C1QTNF5: variants seen among roughly 807,000 people sequenced by gnomAD.
C1QTNF5 encodes the protein complement C1q tumor necrosis factor-related protein 5.
Under a neutral mutation model 10.9 loss-of-function variants are expected in C1QTNF5, and 5 were observed. The ratio of observed to expected loss-of-function variants is 0.46; its 90% CI spans 0.24 to 0.97. C1QTNF5 has a LOEUF of 0.97. Ranked by LOEUF, C1QTNF5 falls within the 50% of genes least tolerant of loss-of-function variation. C1QTNF5 has a pLI of 0.19. For missense variants in C1QTNF5, 281 were observed against 339.4 expected, an observed-to-expected ratio of 0.83 and a Z score of 1.35; for synonymous variants, 161 against 156.5, an observed-to-expected ratio of 1.03 and a Z score of -0.22.
chr11:119,341,511 A>G (rs1445417092), upstream of C1QTNF5: 2 of 1,562,004 alleles, frequency 1.3e-6, no homozygotes, highest in Non-Finnish European at 1.8e-6. Context: ...CCGGCAAAAG[A>G]GGACGGGCAG....
chr11:119,341,653 C>A (rs138370910), upstream of C1QTNF5: 2 of 1,612,984 alleles, frequency 1.2e-6, no homozygotes. Context: ...ACTGGTGCTC[C>A]GCTTCCTGGC....
At chr11:119,346,179 G>A in the C1QTNF5 span, 1 of 1,574,812 alleles carries the variant, frequency 6.3e-7, no homozygotes, top group Non-Finnish European at 8.6e-7. Flanking sequence ...GGCAGGTGGG[G>A]TTTTGAAAGC....
upstream of C1QTNF5, chr11:119,341,248 A>T (rs575341818): frequency 1.5e-5 from 7 of 466,282 alleles, no homozygotes; most frequent in East Asian, 2.7e-4. Context: ...AAGGCAGGCG[A>T]TGGAGAAGCT....
upstream of C1QTNF5, chr11:119,343,883 C>T (rs563717527): frequency 2.9e-5 from 47 of 1,613,942 alleles, no homozygotes; most frequent in Middle Eastern, 1.6e-4. Flanking sequence ...AACTTGCACT[C>T]GTCCTGAGCC....
chr11:119,345,103 A>G, upstream of C1QTNF5: 2 of 1,479,128 alleles, frequency 1.4e-6, no homozygotes, highest in Non-Finnish European at 1.8e-6. Flanking sequence ...TCAACCCCCA[A>G]ACTGGTGACC....
the C1QTNF5 span, chr11:119,346,547 T>C: frequency 6.2e-7 from 1 of 1,611,026 alleles, no homozygotes; most frequent in Admixed American, 1.7e-5. Flanking sequence ...CTGGAGTCCC[T>C]GTGACAGCCC....
At chr11:119,344,802 C>T, upstream of C1QTNF5, 3 of 1,613,754 alleles carry the variant, frequency 1.9e-6, no homozygotes, top group East Asian at 2.2e-5. Context: ...AGTCTCCACC[C>T]CTTTGACAGG....
chr11:119,340,089 C>T, intron 2 of C1QTNF5, 95 bp downstream of exon 2: 1 of 1,394,848 alleles, frequency 7.2e-7, no homozygotes, highest in South Asian at 1.5e-5. Context: ...GTGGCGCCCC[C>T]TGGCGGGAGA....
At position 119,339,286 on chromosome 11, in the gene C1QTNF5, C is replaced by T. The variant is rs1271816637; in HGVS notation, c.*45G>A. 3.8e-6 allele frequency: 6 copies of T among 1,589,688 alleles called. No homozygotes were observed. Among genetic ancestry groups the T allele is most frequent in the Non-Finnish European group, 5.1e-6 (6 of 1,166,204 alleles). ...GGATGACCTGGTTGTCAGCCTCACACCCTCCTTCTAGGAGTGAGAGCATGA... is the reference window on the plus strand; with the variant it reads ...GGATGACCTGGTTGTCAGCCTCACATCCTCCTTCTAGGAGTGAGAGCATGA... On this transcript the variant is annotated 3_prime_UTR_variant, in exon 3 of 3. Coordinates refer to ENST00000528368, the MANE Select transcript of C1QTNF5 (RefSeq NM_001278431.2). This position sits in a 1 kb window ranked among gnomAD's most constrained non-coding sequence, Gnocchi z 5.4.
upstream of C1QTNF5, chr11:119,344,361 C>A (rs950627332): frequency 1.6e-5 from 26 of 1,613,800 alleles, no homozygotes; most frequent in Non-Finnish European, 2.2e-5. Context: ...AGAGAAAGTG[C>A]CCTGGAGGCC....
chr11:119,343,693 C>A, upstream of C1QTNF5: 1 of 1,248,868 alleles, frequency 8.0e-7, no homozygotes, highest in Non-Finnish European at 1.2e-6. Flanking sequence ...GTGAAGAGAC[C>A]CCCGGCCTGG....
chr11:119,344,746 G>T, upstream of C1QTNF5: 1 of 1,614,020 alleles, frequency 6.2e-7, no homozygotes. Flanking sequence ...AACTCATCAT[G>T]GGCACAGCTC....
the C1QTNF5 span, chr11:119,345,983 G>A: frequency 2.5e-6 from 4 of 1,613,322 alleles, no homozygotes; most frequent in South Asian, 4.4e-5. Flanking sequence ...CTGGGAGGCT[G>A]GGAGAGCGGC....
rs1424125035 is a variant in C1QTNF5, at chr11:119,339,141, C to G, written c.*190G>C. ...TTGGGCAGAAATCCAGCCACTGCCC[C>G]ATGCTGCCAGACCTGATCGCAGACA... is the stretch of plus-strand genomic sequence containing the variant. On this transcript the variant is annotated 3_prime_UTR_variant, in exon 3 of 3. Transcript: ENST00000528368. The surrounding 1 kb of genome is among the most constrained non-coding windows in gnomAD (Gnocchi z 5.4). 1 of 649,346 alleles carries G rather than the reference C, an allele frequency of 1.5e-6. No homozygotes were observed. Among genetic ancestry groups the G allele is most frequent in the East Asian group, 2.8e-5 (1 of 36,116 alleles). 40.2% of individuals were successfully genotyped at this position (649,346 alleles called of 1,614,324 possible).
chr11:119,345,571 A>G, upstream of C1QTNF5: 1 of 1,613,874 alleles, frequency 6.2e-7, no homozygotes, highest in Non-Finnish European at 8.5e-7. Context: ...TTGGGGGGGT[A>G]AGGGTCTGGG....
chr11:119,341,767 C>T (rs1231149376), upstream of C1QTNF5: 15 of 1,613,156 alleles, frequency 9.3e-6, no homozygotes, highest in African/African-American at 1.3e-5. Flanking sequence ...GCAGGCTTGT[C>T]AGGCTCTGCG....
chr11:119,343,859 C>T, upstream of C1QTNF5: 1 of 1,613,974 alleles, frequency 6.2e-7, no homozygotes, highest in East Asian at 2.2e-5. Flanking sequence ...GTCTCATACA[C>T]CTCCACGTAG....
upstream of C1QTNF5, chr11:119,343,152 CAT>C (rs1950520652): frequency 1.0e-5 from 10 of 987,746 alleles, no homozygotes; most frequent in South Asian, 1.5e-4. Flanking sequence ...GAGAAAGACA[CAT>C]ATATTCAACA....
At chr11:119,342,785 C>G, upstream of C1QTNF5, 1 of 1,613,080 alleles carries the variant, frequency 6.2e-7, no homozygotes, top group Non-Finnish European at 8.5e-7. Context: ...CCAGTACCCC[C>G]AGAGTGTCCT....
Sources: gnomAD v4.1 joint callset for allele counts on GRCh38, gnomAD v4.1.1 for gene constraint, Gnocchi (gnomAD v3.1) non-coding constraint, MANE v1.5 for transcripts, NCBI Gene and HGNC (gene_info 2026-07-23, HGNC 2026-07-21) for gene names.